LMF1: variants seen among roughly 807,000 people sequenced by gnomAD.
LMF1 encodes the protein transmembrane protein 112.
A neutral mutation model predicts 60.6 loss-of-function variants in LMF1; 68 were observed. The ratio of observed to expected loss-of-function variants is 1.12; its 90% CI spans 0.92 to 1.37. LMF1 has a LOEUF of 1.37. LMF1 is among the 40% of genes most tolerant of loss of function. The pLI is 0.00. For missense variants in LMF1, 948 were observed against 767.2 expected (o/e 1.24, Z -2.78); for synonymous variants, 418 against 324.7 (o/e 1.29, Z -3.09).
At chr16:898,310 G>T (rs2151738095) in intron 4 of LMF1, among the ~76,000 whole-genome samples, 1 of 151,856 alleles carries the variant, frequency 6.6e-6, no homozygotes, top group African/African-American at 2.4e-5. Context: ...CAAGCACCTG[G>T]AAAAGGCTGT....
intron 3 of LMF1, chr16:933,905 C>T: frequency 7.9e-7 from 1 of 1,258,464 alleles, no homozygotes; most frequent in South Asian, 1.4e-5. Context: ...CTTCTCTATG[C>T]CGAGGGGCAC....
At chr16:877,248 G>A (rs890570438) in intron 6 of LMF1, among the ~76,000 whole-genome samples, 1 of 152,172 alleles carries the variant, frequency 6.6e-6, no homozygotes. Context: ...ATAATACTAT[G>A]ACTTTTTTTG....
At chr16:885,332 G>A (rs1286401200) in intron 5 of LMF1, among the ~76,000 whole-genome samples, 2 of 152,212 alleles carry the variant, frequency 1.3e-5, no homozygotes, top group Non-Finnish European at 2.9e-5. Flanking sequence ...AAAAGGAACA[G>A]AGAACACATG....
At position 950,944 on chromosome 16, in the gene LMF1, C is replaced by T. The variant is rs1203544172; in HGVS notation, c.503+3413G>A. Among the ~76,000 whole-genome samples the T allele has an allele frequency of 8.7e-4, 130 of 148,954 alleles. 1 individual carries two copies. Among genetic ancestry groups the T allele is most frequent in the Non-Finnish European group, 2.4e-4 (16 of 67,692 alleles). ...AGCCAATGACAGAGTCAGCCAATGA[C>T]AGAGTCAGAGCCAACGACAGAATCA... On this transcript the variant is annotated intron_variant, in intron 2 of 10. Coordinates refer to ENST00000262301, the MANE Select transcript of LMF1 (RefSeq NM_022773.4).
intron 5 of LMF1, among the ~76,000 whole-genome samples, chr16:889,221 T>C (rs574082438): frequency 6.6e-6 from 1 of 152,344 alleles, no homozygotes; most frequent in South Asian, 2.1e-4. Flanking sequence ...CCTTTCACCC[T>C]CCAGGGGGCT....
Position 853,925 on chromosome 16 carries a change from G to A in LMF1, c.*607C>T, listed in dbSNP as rs1269784084. 4.4e-6 allele frequency: 2 copies of A among 454,064 alleles called. No homozygotes were observed. Among genetic ancestry groups the A allele is most frequent in the South Asian group, 1.6e-5 (1 of 64,484 alleles). The allele number at this position is 454,064 out of a possible 1,614,324, so 28.1% of individuals were successfully genotyped here. A position where few individuals can be genotyped will look rare whatever the true frequency, so the allele number is the denominator to read the frequency against. On this transcript the variant is annotated 3_prime_UTR_variant, in exon 11 of 11. Transcript: ENST00000262301. Reference sequence around the variant, plus strand: ...GAACACATGTGTGCACAGGCTGTGTGTGCCTGCATGTGTGGGATGCGTGTA... The same window carrying A: ...GAACACATGTGTGCACAGGCTGTGTATGCCTGCATGTGTGGGATGCGTGTA...
intron 1 of LMF1, among the ~76,000 whole-genome samples, chr16:965,812 G>A (rs575339302): frequency 1.1e-3 from 170 of 152,242 alleles, no homozygotes; most frequent in African/African-American, 4.0e-3. Context: ...GGTAATGGCT[G>A]GAAAAGTGTC....
chr16:900,720 TGTGTG>T (rs2070787949), intron 4 of LMF1: 1 of 150,270 alleles, frequency 6.7e-6, no homozygotes. Context: ...TGTGTGTGTG[TGTGTG>T]TGTGTGTTTT....
At chr16:960,319 AC>A (rs1229517187) in intron 1 of LMF1, among the ~76,000 whole-genome samples, 6 of 148,804 alleles carry the variant, frequency 4.0e-5, no homozygotes, top group African/African-American at 1.5e-4. Context: ...CTGGATCACA[AC>A]CCAGACACAG....
intron 2 of LMF1, among the ~76,000 whole-genome samples, chr16:936,565 TGGGA>T (rs1287601871): frequency 7.0e-5 from 10 of 143,300 alleles, no homozygotes; most frequent in East Asian, 2.1e-4. Flanking sequence ...GGAAGCTGGC[TGGGA>T]GGGAGAGAGG....
intron 2 of LMF1, among the ~76,000 whole-genome samples, chr16:944,022 G>A (rs978340058): frequency 2.0e-5 from 3 of 152,226 alleles, no homozygotes; most frequent in Non-Finnish European, 4.4e-5. Context: ...AGCTACTGGA[G>A]GATGAACTTG....
chr16:895,344 G>GA (rs1195585254), intron 4 of LMF1, among the ~76,000 whole-genome samples: 3 of 152,200 alleles, frequency 2.0e-5, no homozygotes, highest in African/African-American at 7.2e-5. Flanking sequence ...CCACGTCTGC[G>GA]AAACATTAAT....
In LMF1 at chr16:955,448, T is replaced by C. The variant is rs60236355; in HGVS notation, c.194-782A>G. ...AGACACGTTACATAAAATGCGTGCC[T>C]GCAGCAGACGCGGTGTGTGCATACA... On this transcript the variant is annotated intron_variant, in intron 1 of 10. Coordinates refer to ENST00000262301, the MANE Select transcript of LMF1 (RefSeq NM_022773.4). 7.0e-4 allele frequency among the ~76,000 whole-genome samples: 35 copies of C among 49,852 alleles called. 2 individuals are homozygous for C. The highest frequency in any genetic ancestry group is 2.1e-3 in the African/African-American group (10 of 4,836). The allele number at this position is 49,852 out of a possible 152,430, so 32.7% of individuals were successfully genotyped here.
At chr16:948,395 C>CAGCCAACGACAGAGTCAA (rs1555471296) in intron 2 of LMF1, among the ~76,000 whole-genome samples, 1 of 147,554 alleles carries the variant, frequency 6.8e-6, no homozygotes, top group Admixed American at 6.8e-5. Flanking sequence ...ACGTCAGAGT[C>CAGCCAACGACAGAGTCAA]AGCCAACGAC....
chr16:953,364 G>C (rs879433826), intron 2 of LMF1, among the ~76,000 whole-genome samples: 42 of 43,230 alleles, frequency 9.7e-4, no homozygotes, highest in East Asian at 1.7e-3. Context: ...CACAGACACG[G>C]ACCCCAAACC....
chr16:945,047 C>T (rs2072202650), intron 2 of LMF1, among the ~76,000 whole-genome samples: 1 of 151,196 alleles, frequency 6.6e-6, no homozygotes, highest in South Asian at 2.1e-4. Context: ...CCCATCTCTA[C>T]TAAAAGTATA....
rs1352472565 is a variant in LMF1, at chr16:956,499, TA to T, written c.194-1834del. Among the ~76,000 whole-genome samples, 11 of 152,110 alleles carry T rather than the reference TA, an allele frequency of 7.2e-5. No homozygotes were observed. The East Asian group carries it at 2.1e-3, about 29-fold the overall frequency. On this transcript the variant is annotated intron_variant, in intron 1 of 10. Transcript: ENST00000262301. The stretch of plus-strand genomic sequence containing the variant: ...GGCTGAAAAAAATTAAAAATAAAAA[TA>T]AAAAATACAAACAAAAGAAAGTGGA...
chr16:952,931 C>A (rs1401035693), intron 2 of LMF1, among the ~76,000 whole-genome samples: 3 of 102,146 alleles, frequency 2.9e-5, no homozygotes, highest in East Asian at 3.1e-4. Context: ...ACACAGACAC[C>A]CACCCCAAAC....
intron 3 of LMF1, among the ~76,000 whole-genome samples, chr16:922,850 T>C (rs1319224663): frequency 9.8e-5 from 11 of 112,218 alleles, no homozygotes; most frequent in Non-Finnish European, 1.5e-4. Flanking sequence ...GAAAGTCGCC[T>C]CGGTTTTCGG....
Sources: gnomAD v4.1 joint callset for allele counts (sites outside exome capture counted in the v4.1 genomes callset) on GRCh38, gnomAD v4.1.1 for gene constraint, MANE v1.5 for transcripts, NCBI Gene and HGNC (gene_info 2026-07-23, HGNC 2026-07-21) for gene names.